Variants in MBLAC2 observed in about 807,000 individuals in gnomAD.
MBLAC2 encodes metallo-beta-lactamase domain containing 2, also known as acyl-coenzyme A thioesterase MBLAC2.
MBLAC2 carries 24 observed loss-of-function variants against 23.3 expected under a neutral mutation model. That is an observed-to-expected ratio of 1.03 (90% CI 0.75 to 1.45). MBLAC2 has a LOEUF of 1.45. Among genes scored for constraint, MBLAC2 ranks in the 40% most tolerant of loss-of-function variants. The pLI, the probability that MBLAC2 is intolerant of heterozygous loss-of-function variation, is 0.00. For missense variants in MBLAC2, 358 were observed against 370.0 expected, an observed-to-expected ratio of 0.97 and a Z score of 0.27; for synonymous variants, 162 against 150.9, an observed-to-expected ratio of 1.07 and a Z score of -0.54.
intron 1 of MBLAC2, among the ~76,000 whole-genome samples, chr5:90,470,905 G>A (rs1425048640): frequency 6.6e-6 from 1 of 152,014 alleles, no homozygotes; most frequent in Non-Finnish European, 1.5e-5. Context: ...GATGGGAGAG[G>A]GAGGGGCATT....
rs1315340897 is a variant in MBLAC2 at position 90,461,037 on chromosome 5, A to G, written c.*130T>C. On this transcript the variant is annotated 3_prime_UTR_variant, in exon 2 of 2. Coordinates refer to ENST00000316610, the MANE Select transcript of MBLAC2 (RefSeq NM_203406.2). ...TAACAATTTTCTTTTTGGCTTATTC[A>G]TTCTCAATCTTTCTCTGATATATAA... 1 of 771,866 alleles carries G rather than the reference A, an allele frequency of 1.3e-6. No homozygotes were observed. Among genetic ancestry groups the G allele is most frequent in the Non-Finnish European group, 1.9e-6 (1 of 515,800 alleles). The allele number at this position is 771,866 out of a possible 1,614,324, so 47.8% of individuals were successfully genotyped here. A position where few individuals can be genotyped will look rare whatever the true frequency, so the allele number is the denominator to read the frequency against.
rs1750643274 is a variant in MBLAC2, at chr5:90,474,104, C to G, written c.189G>C (p.Leu63Phe). ...LPEYLYSSGL[L>F]QDREAKEDAA... ...CGTCCTCTTTGGCCTCTCGGTCCTGCAAGAGGCCGGAGGAGTACAGGTACT... is the reference window on the plus strand; with the variant it reads ...CGTCCTCTTTGGCCTCTCGGTCCTGGAAGAGGCCGGAGGAGTACAGGTACT... Residue 63 changes from leucine to phenylalanine, a missense_variant, in exon 1 of 2, where the codon TTG becomes TTC. By Grantham distance (22) the Leu-to-Phe change is conservative. Transcript: ENST00000316610. The G allele has an allele frequency of 1.3e-6, 2 of 1,576,990 alleles. No individual in the cohort carries two copies. Among genetic ancestry groups the G allele is most frequent in the African/African-American group, 2.7e-5 (2 of 74,430 alleles).
intron 1 of MBLAC2, 95 bp downstream of exon 1, chr5:90,473,743 CT>C: frequency 1.6e-6 from 2 of 1,253,658 alleles, no homozygotes; most frequent in Non-Finnish European, 2.3e-6. Flanking sequence ...AAATAATCCC[CT>C]TTATGGCCAC....
At chr5:90,470,811 T>C (rs969454755) in intron 1 of MBLAC2, among the ~76,000 whole-genome samples, 4 of 150,130 alleles carry the variant, frequency 2.7e-5, no homozygotes, top group Non-Finnish European at 4.4e-5. Context: ...TTTTCCATAC[T>C]GAGCCCTTAA....
In MBLAC2 at chr5:90,458,424, T is replaced by C. The variant is rs1051092332; in HGVS notation, c.*2743A>G. On this transcript the variant is annotated 3_prime_UTR_variant, in exon 2 of 2. Transcript: ENST00000316610. Reference sequence around the variant, plus strand: ...GGAAAATGAATTTCCAGTGATTAAGTATTAACAATATAAATAATAAAAATT... The same window carrying C: ...GGAAAATGAATTTCCAGTGATTAAGCATTAACAATATAAATAATAAAAATT... 2 of 152,164 alleles carry C rather than the reference T, an allele frequency of 1.3e-5. No individual in the cohort carries two copies. Among genetic ancestry groups the C allele is most frequent in the African/African-American group, 2.4e-5 (1 of 41,442 alleles). 9.4% of individuals were successfully genotyped at this position (152,164 alleles called of 1,614,324 possible).
chr5:90,472,910 A>T (rs1477872107), intron 1 of MBLAC2: 1 of 152,238 alleles, frequency 6.6e-6, no homozygotes, highest in Non-Finnish European at 1.5e-5. Context: ...ATGTGTTGTG[A>T]AGATAAAATG....
intron 1 of MBLAC2, among the ~76,000 whole-genome samples, chr5:90,463,224 C>T (rs35869007): frequency 0.058 from 8,847 of 152,286 alleles, 557 homozygotes; most frequent in African/African-American, 0.14. Flanking sequence ...GCTGGAATTA[C>T]AGGCGTGTGC....
At position 90,459,330 on chromosome 5, in the gene MBLAC2, T is replaced by A. The variant is rs904113793; in HGVS notation, c.*1837A>T. ...TGGTGGCATGTGGCAGTTCAGCTTG[T>A]CTCCCATTAACAATGACTCATATAC... is the stretch of plus-strand genomic sequence containing the variant. On this transcript the variant is annotated 3_prime_UTR_variant, in exon 2 of 2. Coordinates refer to ENST00000316610, the MANE Select transcript of MBLAC2 (RefSeq NM_203406.2). 1 of 152,350 alleles carries A rather than the reference T, an allele frequency of 6.6e-6. No homozygotes were observed. The highest frequency in any genetic ancestry group is 2.4e-5 in the African/African-American group (1 of 41,444). 9.4% of individuals were successfully genotyped at this position (152,350 alleles called of 1,614,324 possible).
rs148581020 is a variant in MBLAC2 at position 90,461,347 on chromosome 5, G to T, written c.660C>A (p.Asp220Glu). Residue 220 changes from aspartate to glutamate, a missense_variant, in exon 2 of 2, where the codon GAC becomes GAA. Physicochemically the swap from Asp to Glu is conservative, Grantham distance 45. Coordinates refer to ENST00000316610, the MANE Select transcript of MBLAC2 (RefSeq NM_203406.2). ...GAAGCACCTTCTCTACCAGACCTCT[G>T]TCCACTAATTCTATTAGACGTTCAC... ...GTCERLIELV[D>E]RGLVEKVLPG... 2.5e-6 allele frequency: 4 copies of T among 1,614,120 alleles called. No individual in the cohort carries two copies. The highest frequency in any genetic ancestry group is 3.4e-6 in the Non-Finnish European group (4 of 1,180,002).
At chr5:90,473,612 CAG>C in intron 1 of MBLAC2, 1 of 675,258 alleles carries the variant, frequency 1.5e-6, no homozygotes, top group Non-Finnish European at 2.6e-6. Flanking sequence ...AAGGAGTACT[CAG>C]AATCTCTACA....
At position 90,474,335 on chromosome 5, in the gene MBLAC2, G is replaced by T; in HGVS notation, c.-43C>A. The T allele has an allele frequency of 1.3e-6, 2 of 1,562,262 alleles. No individual in the cohort carries two copies. The highest frequency in any genetic ancestry group is 1.7e-5 in the Admixed American group (1 of 58,018). On this transcript the variant is annotated 5_prime_UTR_variant, in exon 1 of 2. Transcript: ENST00000316610. ...CCAGGCGGGGTGAGTGTGGGCGTGC[G>T]AGTCTCCCACAGGCTGTCCACACAC...
At chr5:90,470,444 C>T (rs893237364) in intron 1 of MBLAC2, among the ~76,000 whole-genome samples, 5 of 151,980 alleles carry the variant, frequency 3.3e-5, no homozygotes, top group East Asian at 1.9e-4. Context: ...AAATATCACA[C>T]GTACCCCATA....
At chr5:90,467,656 T>G (rs1025728310) in intron 1 of MBLAC2, among the ~76,000 whole-genome samples, 1 of 151,446 alleles carries the variant, frequency 6.6e-6, no homozygotes, top group Non-Finnish European at 1.5e-5. Context: ...AAGTGGAGCA[T>G]TTAGGCCATT....
intron 1 of MBLAC2, among the ~76,000 whole-genome samples, chr5:90,468,258 G>A (rs1373285815): frequency 1.3e-5 from 2 of 152,172 alleles, no homozygotes; most frequent in Non-Finnish European, 2.9e-5. Flanking sequence ...GGCTGGGTAA[G>A]TTTTCCTCGA....
At chr5:90,468,482 C>G (rs1259984697) in intron 1 of MBLAC2, among the ~76,000 whole-genome samples, 4 of 151,872 alleles carry the variant, frequency 2.6e-5, no homozygotes, top group Non-Finnish European at 4.4e-5. Context: ...TTGTTTGATT[C>G]TATTGCTGAG....
rs751364395 is a variant in MBLAC2, at chr5:90,473,994, A to G, written c.299T>C (p.Val100Ala). ...CAGCGCCTCGGCCTCGGCGTGGTGC[A>G]CTGCCACGCGGTCGAACTGGTAGAG... ...GGLYQFDRVA[V>A]HHAEAEALAR... Residue 100 changes from valine (V) to alanine (A), a missense_variant, in exon 1 of 2, where the codon GTG becomes GCG. By Grantham distance (64) the Val-to-Ala change is moderately conservative. Coordinates refer to ENST00000316610, the MANE Select transcript of MBLAC2 (RefSeq NM_203406.2). The G allele has an allele frequency of 5.6e-6, 9 of 1,598,220 alleles. No individual in the cohort carries two copies. The East Asian group carries it at 9.0e-5, about 16-fold the overall frequency.
At chr5:90,465,647 A>G (rs1750435190) in intron 1 of MBLAC2, among the ~76,000 whole-genome samples, 1 of 152,198 alleles carries the variant, frequency 6.6e-6, no homozygotes, top group Non-Finnish European at 1.5e-5. Context: ...TGGCCCGCTT[A>G]TAGCTCACTG....
rs1750647511 is a variant in MBLAC2, at chr5:90,474,178, C to T, written c.115G>A (p.Glu39Lys). ...CCTGTATCGATCACCACGTCCTGCT[C>T]GGAGCCGCGCACCAGCCAGATGTTG... The part of the protein sequence containing the change: ...RANIWLVRGS[E>K]QDVVIDTGLG... The change falls in exon 1 of 2, where the codon GAG becomes AAG. Residue 39 changes from glutamate to lysine, a missense_variant. Physicochemically the swap from Glu to Lys is moderately conservative, Grantham distance 56 (BLOSUM62 1). Coordinates refer to ENST00000316610, the MANE Select transcript of MBLAC2 (RefSeq NM_203406.2). The T allele has an allele frequency of 6.2e-7, 1 of 1,605,414 alleles. No individual in the cohort carries two copies. Among genetic ancestry groups the T allele is most frequent in the Non-Finnish European group, 8.5e-7 (1 of 1,175,908 alleles).
chr5:90,466,310 C>T (rs1377627485), intron 1 of MBLAC2, among the ~76,000 whole-genome samples: 3 of 152,190 alleles, frequency 2.0e-5, no homozygotes, highest in African/African-American at 4.8e-5. Context: ...TATCCATTTG[C>T]AGACAAACAA....
Sources: allele counts gnomAD v4.1 joint callset (sites outside exome capture counted in the v4.1 genomes callset), GRCh38; gene constraint gnomAD v4.1.1; transcripts MANE v1.5; gene names NCBI Gene and HGNC (gene_info 2026-07-23, HGNC 2026-07-21).